The following PLCD1 variants were observed in gnomAD, a reference collection of about 807,000 sequenced individuals.
PLCD1 encodes 1-phosphatidylinositol 4,5-bisphosphate phosphodiesterase delta-1.
A neutral mutation model predicts 87.4 loss-of-function variants in PLCD1; 71 were observed. The observed-to-expected ratio is 0.81, with a 90% CI of 0.67 to 0.99. PLCD1 has a LOEUF of 0.99. Ranked by LOEUF, PLCD1 falls within the 50% of genes least tolerant of loss-of-function variation. The probability of loss-of-function intolerance (pLI) is 0.00; values close to 1 mark genes in which losing one functional copy is unlikely to be tolerated. For synonymous variants in PLCD1, 348 were observed against 399.2 expected (o/e 0.87, Z 1.53); for missense variants, 867 against 1,001.5 (o/e 0.87, Z 1.81).
intron 1 of PLCD1, among the ~76,000 whole-genome samples, chr3:38,022,720 G>A (rs1206817258): frequency 6.6e-6 from 1 of 152,050 alleles, no homozygotes; most frequent in Non-Finnish European, 1.5e-5. Context: ...CAGCCCTCTG[G>A]ACCATTAGGA....
At chr3:38,027,586 G>A (rs1453175177) in intron 1 of PLCD1, among the ~76,000 whole-genome samples, 2 of 152,204 alleles carry the variant, frequency 1.3e-5, no homozygotes, top group Admixed American at 6.5e-5. Context: ...TCACATCTAG[G>A]TGAGCCGCAT....
intron 1 of PLCD1, among the ~76,000 whole-genome samples, 155 bp from the exon 2 acceptor site, chr3:38,020,507 C>T (rs1285428796): frequency 6.6e-6 from 1 of 152,138 alleles, no homozygotes; most frequent in Non-Finnish European, 1.5e-5. Flanking sequence ...CACCCATGCT[C>T]CAACCTGCTC....
Position 38,029,549 on chromosome 3 carries a change from G to T in PLCD1, c.-10C>A. The T allele has an allele frequency of 6.5e-7, 1 of 1,537,036 alleles. No individual in the cohort carries two copies. ...CCCGGCCCGAGTCCATGCCCGACGG[G>T]CGGCGCGGCGGGAGGGGCACCGCGG... On this transcript the variant is annotated 5_prime_UTR_variant, in exon 1 of 15. Coordinates refer to ENST00000334661, the MANE Select transcript of PLCD1 (RefSeq NM_006225.4).
Position 38,017,344 on chromosome 3 carries a change from G to A in PLCD1, c.200-625C>T, listed in dbSNP as rs1421108539. On this transcript the variant is annotated intron_variant, in intron 2 of 14. Coordinates refer to ENST00000334661, the MANE Select transcript of PLCD1 (RefSeq NM_006225.4). This position sits in a 1 kb window ranked among gnomAD's most constrained non-coding sequence, Gnocchi z 4.7. Reference sequence around the variant, plus strand: ...AGCCCTGCATGGGAGAGGAGACAGGGTCGTGCCCTGTGTGCAGCTGTGTGT... The same window carrying A: ...AGCCCTGCATGGGAGAGGAGACAGGATCGTGCCCTGTGTGCAGCTGTGTGT... 6.6e-6 allele frequency among the ~76,000 whole-genome samples: 1 copy of A among 152,180 alleles called. No individual in the cohort carries two copies. The highest frequency in any genetic ancestry group is 1.5e-5 in the Non-Finnish European group (1 of 68,022).
chr3:38,022,031 C>A (rs1437146278), intron 1 of PLCD1, among the ~76,000 whole-genome samples: 3 of 152,188 alleles, frequency 2.0e-5, no homozygotes, highest in Non-Finnish European at 4.4e-5. Context: ...ACATCCACCC[C>A]CTATAGCTTT....
rs182593352 is a variant in PLCD1 at position 38,027,960 on chromosome 3, G to C, written c.34+1546C>G. Among the ~76,000 whole-genome samples, 5 of 152,312 alleles carry C rather than the reference G, an allele frequency of 3.3e-5. No individual in the cohort carries two copies. In the East Asian group the frequency reaches 9.6e-4, roughly 29 times the overall value. ...AAAGGCTGGACTGAGTTAGGCATTT[G>C]GGAGGCTGGTCTCAAATGGGGTGGG... On this transcript the variant is annotated intron_variant, in intron 1 of 14. Transcript: ENST00000334661.
At position 38,008,508 on chromosome 3, in the gene PLCD1, G is replaced by A. The variant is rs747506884; in HGVS notation, c.1852C>T (p.Arg618Cys). The A allele has an allele frequency of 4.3e-6, 7 of 1,614,184 alleles. No homozygotes were observed. Among genetic ancestry groups the A allele is most frequent in the South Asian group, 3.3e-5 (3 of 91,084 alleles). The change falls in exon 12 of 15, where the codon CGC (arginine) becomes TGC (cysteine). Residue 618 changes from arginine to cysteine, a missense_variant. Transcript: ENST00000334661. ...CACCAGGGCCCCTGAGCCAGGGCGC[G>A]GGGGTTAAAGGTGCCGTTGGGGTCT... ...LRDPNGTFNP[R>C]ALAQGPWWAR...
intron 3 of PLCD1, chr3:38,014,586 G>A (rs1045753470): frequency 6.5e-6 from 1 of 153,784 alleles, no homozygotes; most frequent in African/African-American, 2.4e-5. Flanking sequence ...TGAGTGCAGG[G>A]GTGTTTACAA....
At chr3:38,024,511 C>T in intron 1 of PLCD1, 3 of 1,537,748 alleles carry the variant, frequency 2.0e-6, no homozygotes, top group Non-Finnish European at 2.6e-6. Context: ...CTCACAACAC[C>T]CTCTGCTCTG....
intron 1 of PLCD1, among the ~76,000 whole-genome samples, chr3:38,020,877 A>AATTG (rs1481838477): frequency 6.6e-6 from 1 of 152,204 alleles, no homozygotes; most frequent in Admixed American, 6.5e-5. Context: ...CAACTCCAAT[A>AATTG]GCTCCAGAAT....
Position 38,018,049 on chromosome 3 carries a change from C to A in PLCD1, c.200-1330G>T, listed in dbSNP as rs2125548530. Reference sequence around the variant, plus strand: ...AGAGAAAGTCCAGATGCCTTCACTGCTGATAACACCTTTGGCCTCTGGGAA... The same window carrying A: ...AGAGAAAGTCCAGATGCCTTCACTGATGATAACACCTTTGGCCTCTGGGAA... On this transcript the variant is annotated intron_variant, in intron 2 of 14. Coordinates refer to ENST00000334661, the MANE Select transcript of PLCD1 (RefSeq NM_006225.4). This position sits in a 1 kb window ranked among gnomAD's most constrained non-coding sequence, Gnocchi z 5.7. Among the ~76,000 whole-genome samples, 1 of 152,310 alleles carries A rather than the reference C, an allele frequency of 6.6e-6. No individual in the cohort carries two copies. Among genetic ancestry groups the A allele is most frequent in the African/African-American group, 2.4e-5 (1 of 41,570 alleles).
chr3:38,024,402 C>T lies in PLCD1; in HGVS notation c.35-4050G>A, dbSNP rs753799791. On this transcript the variant is annotated intron_variant, in intron 1 of 14. Transcript: ENST00000334661. ...CTCCTGCAGGTAGAGCTCCCTGGAGCGGCTCCGGCTCCGGATCCCCAGGCA... is the reference window on the plus strand; with the variant it reads ...CTCCTGCAGGTAGAGCTCCCTGGAGTGGCTCCGGCTCCGGATCCCCAGGCA... 2.5e-6 allele frequency: 4 copies of T among 1,612,440 alleles called. No homozygotes were observed. In the Admixed American group the frequency reaches 6.7e-5, roughly 27 times the overall value.
chr3:38,011,145 C>T (rs1700067357), intron 5 of PLCD1, 69 bp downstream of exon 5: 1 of 1,257,860 alleles, frequency 8.0e-7, no homozygotes, highest in Non-Finnish European at 1.1e-6. Context: ...TGGCTGCAGT[C>T]TCCCCAGGGG....
In PLCD1 at chr3:38,016,576, G is replaced by A. The variant is rs1227939668; in HGVS notation, c.343C>T (p.Pro115Ser). 1 of 1,613,868 alleles carries A rather than the reference G, an allele frequency of 6.2e-7. No homozygotes were observed. The highest frequency in any genetic ancestry group is 8.5e-7 in the Non-Finnish European group (1 of 1,179,902). The change falls in exon 3 of 15, where the codon CCA (proline) becomes TCA (serine). Residue 115 changes from proline (P) to serine (S), a missense_variant. Pro to Ser is a moderately conservative substitution (Grantham distance 74). Transcript: ENST00000334661. ...AGCACCCAGTGCTGGGCATCAGCTG[G>A]CGATGGGGCGATGAGGTCTAGTGTA... ...RNTLDLIAPS[P>S]ADAQHWVLGL...
At chr3:38,016,071 T>G (rs1183894553) in intron 3 of PLCD1, among the ~76,000 whole-genome samples, 2 of 152,010 alleles carry the variant, frequency 1.3e-5, no homozygotes, top group African/African-American at 4.8e-5. Context: ...TCACCAAAAT[T>G]TATATGTTGA....
chr3:38,024,728 A>AAACCGAGGC, intron 1 of PLCD1: 1 of 1,413,128 alleles, frequency 7.1e-7, no homozygotes, highest in Non-Finnish European at 9.3e-7. Context: ...GGCGAGAGCG[A>AAACCGAGGC]AACCGAGGCA....
At chr3:38,013,819 C>T (rs551744218) in intron 3 of PLCD1, among the ~76,000 whole-genome samples, 1 of 152,330 alleles carries the variant, frequency 6.6e-6, no homozygotes, top group African/African-American at 2.4e-5. Context: ...AGCTCACAAT[C>T]AGGCAGATGT....
chr3:38,016,653 C>T lies in PLCD1; in HGVS notation c.266G>A (p.Arg89His), dbSNP rs773011878. The T allele has an allele frequency of 5.6e-6, 9 of 1,600,798 alleles. No individual in the cohort carries two copies. Among genetic ancestry groups the T allele is most frequent in the Admixed American group, 3.5e-5 (2 of 57,532 alleles). The change falls in exon 3 of 15, where the codon CGT becomes CAT. Residue 89 changes from arginine (R) to histidine (H), a missense_variant. Physicochemically the swap from Arg to His is conservative, Grantham distance 29. Transcript: ENST00000334661. ...GAAGCAGCGGTCCTCGGGCACATCA[C>T]GGGCGAACTTCTCCAGACCCTCCGT... is the stretch of plus-strand genomic sequence containing the variant. ...HRTEGLEKFA[R>H]DVPEDRCFSI... is the part of the protein sequence containing the mutation.
Position 38,029,589 on chromosome 3 carries a change from G to T in PLCD1, c.-50C>A. ...GGGCACCGCGGGACTCACTTGAGTA[G>T]CGACAGCACCGGCGGCCTGGGGTCC... is the stretch of plus-strand genomic sequence containing the variant. On this transcript the variant is annotated 5_prime_UTR_variant, in exon 1 of 15. Transcript: ENST00000334661. 1 of 1,521,930 alleles carries T rather than the reference G, an allele frequency of 6.6e-7. No individual in the cohort carries two copies. Among genetic ancestry groups the T allele is most frequent in the Non-Finnish European group, 8.8e-7 (1 of 1,134,634 alleles). 94.3% of individuals were successfully genotyped at this position (1,521,930 alleles called of 1,614,324 possible).
Sources: gnomAD v4.1 joint callset for allele counts (sites outside exome capture counted in the v4.1 genomes callset) on GRCh38, gnomAD v4.1.1 for gene constraint, Gnocchi (gnomAD v3.1) non-coding constraint, MANE v1.5 for transcripts, NCBI Gene and HGNC (gene_info 2026-07-23, HGNC 2026-07-21) for gene names.